The following C8orf34 variants were observed in gnomAD, a reference collection of about 807,000 sequenced individuals.
C8orf34 encodes chromosome 8 open reading frame 34.
Under a neutral mutation model 68.3 loss-of-function variants are expected in C8orf34, and 65 were observed. The observed-to-expected ratio is 0.95, with a 90% CI of 0.78 to 1.17. The LOEUF is 1.17. C8orf34 is among the 50% of genes most tolerant of loss of function. The probability of loss-of-function intolerance (pLI) is 0.00; values close to 1 mark genes in which losing one functional copy is unlikely to be tolerated. For synonymous variants in C8orf34, 244 were observed against 241.2 expected, an observed-to-expected ratio of 1.01 and a Z score of -0.11; for missense variants, 664 against 655.4, an observed-to-expected ratio of 1.01 and a Z score of -0.14.
At chr8:68,768,638 C>T (rs1428886052) in intron 10 of C8orf34, among the ~76,000 whole-genome samples, 1 of 152,086 alleles carries the variant, frequency 6.6e-6, no homozygotes, top group Non-Finnish European at 1.5e-5. Context: ...AGTCTCAGAA[C>T]AAAAATACTG....
intron 7 of C8orf34, chr8:68,535,641 A>G (rs1370024895): frequency 1.5e-6 from 1 of 685,358 alleles, no homozygotes; most frequent in Non-Finnish European, 1.8e-6. Context: ...TTGTTTAATT[A>G]TATATTTGTG....
intron 8 of C8orf34, among the ~76,000 whole-genome samples, chr8:68,702,152 C>T (rs1336767080): frequency 3.9e-5 from 6 of 152,056 alleles, no homozygotes; most frequent in Admixed American, 2.6e-4. Context: ...AGAATGGAAG[C>T]TGGCCAGCTT....
At chr8:68,662,488 T>C (rs1819710948) in intron 8 of C8orf34, among the ~76,000 whole-genome samples, 4 of 152,156 alleles carry the variant, frequency 2.6e-5, no homozygotes, top group African/African-American at 7.2e-5. Flanking sequence ...GTTTCCCCCA[T>C]ACTGTTCTCG....
chr8:68,735,725 A>T (rs2129527034), intron 10 of C8orf34, among the ~76,000 whole-genome samples: 1 of 152,342 alleles, frequency 6.6e-6, no homozygotes, highest in Middle Eastern at 3.4e-3. Context: ...ACGTAAAAAT[A>T]GTCAGAAATT....
At chr8:68,782,307 G>T (rs1263838492) in intron 11 of C8orf34, among the ~76,000 whole-genome samples, 2 of 151,554 alleles carry the variant, frequency 1.3e-5, no homozygotes, top group Non-Finnish European at 2.9e-5. Context: ...TTACATTTAT[G>T]CTGTTTTTCG....
intron 5 of C8orf34, among the ~76,000 whole-genome samples, chr8:68,489,398 G>T (rs1283514847): frequency 6.6e-6 from 1 of 152,170 alleles, no homozygotes; most frequent in African/African-American, 2.4e-5. Context: ...AATACTTGGG[G>T]CAAGAAATGT....
intron 6 of C8orf34, among the ~76,000 whole-genome samples, chr8:68,527,536 C>T (rs910569981): frequency 6.6e-6 from 1 of 152,128 alleles, no homozygotes; most frequent in Non-Finnish European, 1.5e-5. Flanking sequence ...CGTGCCACTG[C>T]ACTCCAGGCT....
chr8:68,760,212 G>A (rs369481809), intron 10 of C8orf34, among the ~76,000 whole-genome samples: 18 of 152,096 alleles, frequency 1.2e-4, no homozygotes, highest in Admixed American at 3.3e-4. Context: ...ATTAGGTGAT[G>A]GGGGGCCGTG....
At chr8:68,471,931 C>T (rs932700273) in intron 4 of C8orf34, among the ~76,000 whole-genome samples, 9 of 47,548 alleles carry the variant, frequency 1.9e-4, no homozygotes, top group Non-Finnish European at 4.4e-4. Flanking sequence ...AATGAACACA[C>T]ACACACACAC....
At chr8:68,559,689 C>T (rs35871382) in intron 7 of C8orf34, among the ~76,000 whole-genome samples, 1 of 152,068 alleles carries the variant, frequency 6.6e-6, no homozygotes. Context: ...ACACCTCAGC[C>T]TAAAAAATTA....
chr8:68,337,335 T>G (rs1208057214), intron 1 of C8orf34, among the ~76,000 whole-genome samples: 1 of 152,188 alleles, frequency 6.6e-6, no homozygotes, highest in Non-Finnish European at 1.5e-5. Flanking sequence ...GTGATTTTCC[T>G]GACAATCATG....
chr8:68,367,769 T>A (rs1222100581), intron 1 of C8orf34, among the ~76,000 whole-genome samples: 1 of 124,262 alleles, frequency 8.0e-6, no homozygotes, highest in Admixed American at 8.1e-5. Flanking sequence ...GGAGGGGGGA[T>A]GGATAGCATT....
At chr8:68,552,129 T>C (rs1000357152) in intron 7 of C8orf34, among the ~76,000 whole-genome samples, 11 of 152,162 alleles carry the variant, frequency 7.2e-5, no homozygotes, top group Admixed American at 3.9e-4. Flanking sequence ...CTAATTACTC[T>C]AGCTATGTGA....
intron 12 of C8orf34, among the ~76,000 whole-genome samples, chr8:68,814,921 T>C (rs1278751643): frequency 2.6e-5 from 4 of 152,194 alleles, no homozygotes; most frequent in South Asian, 2.1e-4. Context: ...TTTTCCTTAG[T>C]GTAGGACTTC....
At chr8:68,578,527 G>T (rs1306092898) in intron 7 of C8orf34, among the ~76,000 whole-genome samples, 4 of 151,874 alleles carry the variant, frequency 2.6e-5, no homozygotes, top group Non-Finnish European at 4.4e-5. Flanking sequence ...CATAGAGATG[G>T]GTTTCTTAAG....
chr8:68,380,942 TAA>T (rs1477832612), intron 1 of C8orf34, among the ~76,000 whole-genome samples: 1 of 152,138 alleles, frequency 6.6e-6, no homozygotes, highest in Non-Finnish European at 1.5e-5. Context: ...TCCATATTAA[TAA>T]GTTAGATGAT....
chr8:68,391,151 T>C (rs1235899567), intron 1 of C8orf34, among the ~76,000 whole-genome samples: 1 of 152,128 alleles, frequency 6.6e-6, no homozygotes, highest in Non-Finnish European at 1.5e-5. Context: ...TCATAGCTGG[T>C]ATTTACTTAC....
chr8:68,670,957 C>T (rs1051309254), intron 8 of C8orf34, among the ~76,000 whole-genome samples: 27 of 152,152 alleles, frequency 1.8e-4, no homozygotes, highest in Admixed American at 1.6e-3. Context: ...GTCCATGTAA[C>T]AAATAGACTG....
intron 9 of C8orf34, among the ~76,000 whole-genome samples, chr8:68,718,642 G>A (rs1378559412): frequency 1.6e-4 from 24 of 152,176 alleles, no homozygotes; most frequent in Admixed American, 1.6e-3. Context: ...CATTGAACTT[G>A]GCTCGGGAAG....
Sources: allele counts gnomAD v4.1 joint callset (sites outside exome capture counted in the v4.1 genomes callset), GRCh38; gene constraint gnomAD v4.1.1; transcripts MANE v1.5; gene names NCBI Gene and HGNC (gene_info 2026-07-23, HGNC 2026-07-21).